ATP9A: variants seen among roughly 807,000 people sequenced by gnomAD.
The protein encoded by ATP9A is probable phospholipid-transporting ATPase IIA.
Under a neutral mutation model 144.1 loss-of-function variants are expected in ATP9A, and 52 were observed. That is an observed-to-expected ratio of 0.36 (90% confidence interval 0.29 to 0.45). The LOEUF (loss-of-function observed/expected upper bound fraction) is 0.45, where lower values mean the gene tolerates loss of function less well. Ranked by LOEUF, ATP9A falls within the 20% of genes least tolerant of loss-of-function variation. The probability of loss-of-function intolerance (pLI) is 1.00; values close to 1 mark genes in which losing one functional copy is unlikely to be tolerated. For missense variants in ATP9A, 947 were observed against 1,392.7 expected (o/e 0.68, Z 5.09); for synonymous variants, 582 against 557.4 (o/e 1.04, Z -0.62).
rs80257071 is a variant in ATP9A, at chr20:51,627,427, G to C, written c.1845+173C>G. ...AAATGGGCCATGGGGCTCTGTGGGT[G>C]AAGAGAGTTCCAGGCAGACAGAACG... On this transcript the variant is annotated intron_variant, in intron 17 of 27. Coordinates refer to ENST00000338821, the MANE Select transcript of ATP9A (RefSeq NM_006045.3). Among the ~76,000 whole-genome samples the C allele has an allele frequency of 1.6e-4, 24 of 152,256 alleles. 1 individual carries two copies. The East Asian group carries it at 4.2e-3, about 27-fold the overall frequency.
At chr20:51,639,543 G>A (rs201814282) in intron 14 of ATP9A, 39 bp from the exon 15 acceptor site, 32 of 1,570,280 alleles carry the variant, frequency 2.0e-5, no homozygotes, top group Non-Finnish European at 2.4e-5. Flanking sequence ...ATGCCCAGCC[G>A]AGAATCTGGG....
intron 1 of ATP9A, among the ~76,000 whole-genome samples, chr20:51,755,669 G>C (rs2077852655): frequency 6.6e-6 from 1 of 151,148 alleles, no homozygotes; most frequent in African/African-American, 2.4e-5. Flanking sequence ...ATGTGTTCAA[G>C]AATGTTCATA....
chr20:51,752,438 C>G (rs1463640474), intron 1 of ATP9A, among the ~76,000 whole-genome samples: 4 of 152,172 alleles, frequency 2.6e-5, no homozygotes, highest in Admixed American at 2.6e-4. Flanking sequence ...CCACTATATC[C>G]CTAATATTAA....
chr20:51,756,596 T>G (rs1266962638), intron 1 of ATP9A, among the ~76,000 whole-genome samples: 3 of 151,960 alleles, frequency 2.0e-5, no homozygotes, highest in Non-Finnish European at 2.9e-5. Context: ...CAGCCTCTCT[T>G]TCTGTCTTAA....
rs1568807184 is a variant in ATP9A at position 51,658,893 on chromosome 20, G to GGGGGGC, written c.1294-1744_1294-1743insGCCCCC. Among the ~76,000 whole-genome samples the GGGGGGC allele has an allele frequency of 6.7e-5, 8 of 119,674 alleles. 2 individuals are homozygous for GGGGGGC. The highest frequency in any genetic ancestry group is 2.8e-4 in the African/African-American group (8 of 28,864). The allele number at this position is 119,674 out of a possible 152,430, so 78.5% of individuals were successfully genotyped here. A position where few individuals can be genotyped will look rare whatever the true frequency, so the allele number is the denominator to read the frequency against. On this transcript the variant is annotated intron_variant, in intron 13 of 27. Transcript: ENST00000338821. The stretch of plus-strand genomic sequence containing the variant: ...ATGAAAATTAAGACCACTGGCGGGG[G>GGGGGGC]GGGGGGGGGGAAGGCTCATTGTTGA...
rs1175029695 is a variant in ATP9A, at chr20:51,639,390, T to A, written c.1621A>T (p.Ile541Phe). ...TTGCTTTCATAGGTGAAAGGGAAGA[T>A]CTGTAGGATGGTGAAGTTCAGGATC... ...DQILNFTILQ[I>F]FPFTYESKRM... Residue 541 changes from isoleucine (I) to phenylalanine (F), a missense_variant, in exon 15 of 28, where the codon ATC becomes TTC. By Grantham distance (21) the Ile-to-Phe change is conservative. Coordinates refer to ENST00000338821, the MANE Select transcript of ATP9A (RefSeq NM_006045.3). 2 of 1,613,944 alleles carry A rather than the reference T, an allele frequency of 1.2e-6. No individual in the cohort carries two copies. The highest frequency in any genetic ancestry group is 2.2e-5 in the East Asian group (1 of 44,864).
intron 13 of ATP9A, among the ~76,000 whole-genome samples, chr20:51,663,807 A>AAC (rs1555834386): frequency 6.6e-6 from 1 of 151,732 alleles, no homozygotes; most frequent in Admixed American, 6.6e-5. Flanking sequence ...AAAAAAAAAA[A>AAC]AAAAACAAGA....
intron 14 of ATP9A, among the ~76,000 whole-genome samples, chr20:51,642,027 A>C (rs1346787342): frequency 6.6e-6 from 1 of 151,822 alleles, no homozygotes; most frequent in Non-Finnish European, 1.5e-5. Flanking sequence ...TTTTGTAGAC[A>C]CTGTACCTTT....
At chr20:51,758,850 G>A (rs1412861829) in intron 1 of ATP9A, among the ~76,000 whole-genome samples, 2 of 152,100 alleles carry the variant, frequency 1.3e-5, no homozygotes, top group Admixed American at 6.5e-5. Flanking sequence ...GCTTGAACTC[G>A]GGAGGCGGAG....
intron 7 of ATP9A, 69 bp from the exon 8 acceptor site, chr20:51,690,888 T>C: frequency 7.9e-7 from 1 of 1,265,094 alleles, no homozygotes. Flanking sequence ...AGGCATCCAC[T>C]ATGTTTCCAA....
intron 8 of ATP9A, among the ~76,000 whole-genome samples, chr20:51,690,161 C>T (rs1212755883): frequency 1.4e-5 from 2 of 145,284 alleles, no homozygotes; most frequent in Non-Finnish European, 3.0e-5. Flanking sequence ...TGGCTCATGC[C>T]TGTAATCCCA....
chr20:51,605,913 A>C (rs1267293011), intron 26 of ATP9A, among the ~76,000 whole-genome samples: 2 of 132,742 alleles, frequency 1.5e-5, no homozygotes, highest in Admixed American at 7.3e-5. Context: ...ACTCTGTTAC[A>C]AAAAAAAAAA....
intron 3 of ATP9A, among the ~76,000 whole-genome samples, chr20:51,721,202 A>C (rs1434172685): frequency 6.6e-6 from 1 of 152,150 alleles, no homozygotes; most frequent in Non-Finnish European, 1.5e-5. Flanking sequence ...CCTCCACTCC[A>C]CAAGCACGTC....
chr20:51,665,500 T>C (rs1366023250), intron 13 of ATP9A, among the ~76,000 whole-genome samples: 2 of 151,962 alleles, frequency 1.3e-5, no homozygotes, highest in South Asian at 2.1e-4. Context: ...AGGCAGATCA[T>C]CTGAAATCAG....
At chr20:51,674,493 C>A (rs1025844716) in intron 10 of ATP9A, among the ~76,000 whole-genome samples, 180 bp from the exon 11 acceptor site, 4 of 152,134 alleles carry the variant, frequency 2.6e-5, no homozygotes, top group Admixed American at 1.3e-4. Flanking sequence ...TCCATCGATC[C>A]TCATATCTTT....
intron 27 of ATP9A, among the ~76,000 whole-genome samples, chr20:51,602,808 T>G (rs1392566903): frequency 6.6e-6 from 1 of 152,232 alleles, no homozygotes; most frequent in African/African-American, 2.4e-5. Flanking sequence ...ACTTTTCTTC[T>G]TCTCCTAATT....
chr20:51,723,023 G>A (rs1449155380), intron 3 of ATP9A, among the ~76,000 whole-genome samples: 2 of 152,010 alleles, frequency 1.3e-5, no homozygotes, highest in Non-Finnish European at 2.9e-5. Context: ...ATCGACGAGT[G>A]GATAAATAAA....
intron 14 of ATP9A, among the ~76,000 whole-genome samples, chr20:51,643,468 G>A (rs2077329061): frequency 6.6e-6 from 1 of 152,132 alleles, no homozygotes; most frequent in Non-Finnish European, 1.5e-5. Flanking sequence ...CCTCTGGGAG[G>A]TGATTAAGTC....
chr20:51,679,933 T>G (rs2077492928), intron 9 of ATP9A, among the ~76,000 whole-genome samples: 2 of 152,102 alleles, frequency 1.3e-5, no homozygotes, highest in African/African-American at 2.4e-5. Context: ...ATGGAGGCAC[T>G]ATCAAACTGT....
Sources: allele counts gnomAD v4.1 joint callset (sites outside exome capture counted in the v4.1 genomes callset), GRCh38; gene constraint gnomAD v4.1.1; transcripts MANE v1.5; gene names NCBI Gene and HGNC (gene_info 2026-07-23, HGNC 2026-07-21).